ZNF518A: variants seen among roughly 807,000 people sequenced by gnomAD.
ZNF518A encodes zinc finger protein 518.
A neutral mutation model predicts 102.7 loss-of-function variants in ZNF518A; 47 were observed. That is an observed-to-expected ratio of 0.46 (90% CI 0.36 to 0.58). The LOEUF (loss-of-function observed/expected upper bound fraction) is 0.58. ZNF518A is among the 20% of genes least tolerant of loss of function. The pLI, the probability that ZNF518A is intolerant of heterozygous loss-of-function variation, is 0.00. For missense variants in ZNF518A, 1,793 were observed against 1,699.8 expected (o/e 1.05, Z -0.96); for synonymous variants, 652 against 594.6 (o/e 1.10, Z -1.40).
Position 96,201,146 on chromosome 10 carries a change from G to A in ZNF518A, n.36-2428G>A, listed in dbSNP as rs2083622101. On this transcript the variant is annotated intron_variant and non_coding_transcript_variant, in intron 1 of 2. Coordinates refer to the ZNF518A transcript ENST00000442635. ...ATCCCCTAACACTGTACTAGGTGCTGCCAGGGACACATCCACCAAAAAAAA... is the reference window on the plus strand; with the variant it reads ...ATCCCCTAACACTGTACTAGGTGCTACCAGGGACACATCCACCAAAAAAAA... The A allele has an allele frequency of 2.5e-6, 3 of 1,184,916 alleles. No individual in the cohort carries two copies. The East Asian group carries it at 7.1e-5, about 28-fold the overall frequency. The allele number at this position is 1,184,916 out of a possible 1,614,324, so 73.4% of individuals were successfully genotyped here. A position where few individuals can be genotyped will look rare whatever the true frequency, so the allele number is the denominator to read the frequency against.
At position 96,160,364 on chromosome 10, in the gene ZNF518A, G is replaced by C. The variant is rs1369728753; in HGVS notation, c.4042G>C (p.Val1348Leu). ...ATGTCCTAGGAGAAACCAACCAGTT[G>C]TAGTTTTGAATCATCCTGACGCAGA... is the stretch of plus-strand genomic sequence containing the variant. ...VKCPRRNQPV[V>L]VLNHPDADAP... The change falls in exon 6 of 6, where the codon GTA (valine) becomes CTA (leucine). Residue 1348 changes from valine (V) to leucine (L), a missense_variant. Physicochemically the swap from Val to Leu is conservative, Grantham distance 32 (BLOSUM62 1). Around this residue, in one of 3 missense-constraint regions of ZNF518A, gnomAD observed 1,741 missense variants for 1,622.6 expected, o/e 1.07. Transcript: ENST00000316045. 1 of 1,613,526 alleles carries C rather than the reference G, an allele frequency of 6.2e-7. No individual in the cohort carries two copies. Among genetic ancestry groups the C allele is most frequent in the Non-Finnish European group, 8.5e-7 (1 of 1,179,638 alleles).
At chr10:96,199,983 G>A in intron 1 of ZNF518A, 1 of 889,508 alleles carries the variant, frequency 1.1e-6, no homozygotes, top group Non-Finnish European at 1.5e-6. Flanking sequence ...AGCTGAGATC[G>A]AGCCACTGCA....
intron 3 of ZNF518A, among the ~76,000 whole-genome samples, chr10:96,137,728 T>C (rs587661479): frequency 8.5e-5 from 13 of 152,352 alleles, no homozygotes; most frequent in African/African-American, 3.1e-4. Context: ...CTGCTCTTTT[T>C]GTTTATTCCC....
At chr10:96,142,389 T>A (rs1453853537) in intron 3 of ZNF518A, among the ~76,000 whole-genome samples, 1 of 151,692 alleles carries the variant, frequency 6.6e-6, no homozygotes, top group African/African-American at 2.4e-5. Flanking sequence ...CTTATATTTT[T>A]CAGTAAGCTT....
rs782234888 is a variant in ZNF518A at position 96,156,507 on chromosome 10, T to A, written c.185T>A (p.Leu62Gln). The change falls in exon 6 of 6, where the codon CTA (leucine) becomes CAA (glutamine). Residue 62 changes from leucine (L) to glutamine (Q), a missense_variant. Leu to Gln is a moderately radical substitution (Grantham distance 113). Transcript: ENST00000316045. ...AAAATAAATATTCCAAATGAAGTCC[T>A]ATTGAAACATGAAGTTGACAAATAC... ...LPKINIPNEV[L>Q]LKHEVDKYRK... 11 of 1,610,670 alleles carry A rather than the reference T, an allele frequency of 6.8e-6. No homozygotes were observed. Among genetic ancestry groups the A allele is most frequent in the Middle Eastern group, 1.7e-4 (1 of 6,052 alleles).
At chr10:96,204,141 T>C (rs2083733614), downstream of ZNF518A, 2 of 1,596,408 alleles carry the variant, frequency 1.3e-6, no homozygotes, top group African/African-American at 1.3e-5. Context: ...ATGAGTAAGT[T>C]TGACTTTTTG....
intron 1 of ZNF518A, among the ~76,000 whole-genome samples, chr10:96,169,359 T>G (rs2083160783): frequency 6.6e-6 from 1 of 152,228 alleles, no homozygotes; most frequent in African/African-American, 2.4e-5. Flanking sequence ...TGTTCGTTTT[T>G]TGGTTTTCTT....
At position 96,159,861 on chromosome 10, in the gene ZNF518A, TAGG is replaced by T. The variant is rs773693266; in HGVS notation, c.3545_3547del (p.Gly1182del). On this transcript the variant is annotated inframe_deletion, in exon 6 of 6. Transcript: ENST00000316045. ...GACAACGTACCATCTAATCAGATTA[TAGG>T]AGGAGAGCAGAAAGAGCCAGAATCT... 1.2e-6 allele frequency: 2 copies of T among 1,613,546 alleles called. No homozygotes were observed. The highest frequency in any genetic ancestry group is 2.2e-5 in the South Asian group (2 of 91,070).
chr10:96,189,726 A>ATCT, intron 1 of ZNF518A: 1 of 724,436 alleles, frequency 1.4e-6, no homozygotes, highest in Non-Finnish European at 2.5e-6. Flanking sequence ...CATCATCATC[A>ATCT]TCATCATCTT....
downstream of ZNF518A, among the ~76,000 whole-genome samples, chr10:96,166,716 G>A (rs1436246920): frequency 1.2e-4 from 18 of 152,138 alleles, no homozygotes; most frequent in Admixed American, 2.6e-4. Flanking sequence ...GCAGTGAGCC[G>A]AGATCGCACC....
At chr10:96,195,953 A>G (rs1313046222) in intron 1 of ZNF518A, among the ~76,000 whole-genome samples, 1 of 152,234 alleles carries the variant, frequency 6.6e-6, no homozygotes, top group African/African-American at 2.4e-5. Context: ...GAAGCCAGTT[A>G]CTGTGCTCTG....
At chr10:96,195,590 A>G (rs1554894502) in intron 1 of ZNF518A, among the ~76,000 whole-genome samples, 1 of 152,234 alleles carries the variant, frequency 6.6e-6, no homozygotes, top group Non-Finnish European at 1.5e-5. Flanking sequence ...TTCCACTTGT[A>G]TGAGGTATCT....
At chr10:96,195,876 TCTC>T (rs2083452955) in intron 1 of ZNF518A, among the ~76,000 whole-genome samples, 1 of 152,242 alleles carries the variant, frequency 6.6e-6, no homozygotes, top group East Asian at 1.9e-4. Context: ...CAAATGCTAT[TCTC>T]CTGCCTGTAA....
chr10:96,130,171 G>A (rs999571436), upstream of ZNF518A: 3 of 152,832 alleles, frequency 2.0e-5, no homozygotes, highest in African/African-American at 7.2e-5. Flanking sequence ...AGAACTTCTA[G>A]AGGGCCACCC....
intron 1 of ZNF518A, among the ~76,000 whole-genome samples, chr10:96,170,258 C>T (rs1349252773): frequency 6.6e-6 from 1 of 152,200 alleles, no homozygotes; most frequent in Non-Finnish European, 1.5e-5. Context: ...TGTTATCTGT[C>T]ACCCCAGGCA....
chr10:96,158,095 A>G lies in ZNF518A; in HGVS notation c.1773A>G (p.Leu591=). The change falls in exon 6 of 6, where the codon TTA becomes TTG. Residue 591 remains leucine (L), a synonymous_variant. Transcript: ENST00000316045. ...TCACTCAGAGTCACCCCGAGGTATT[A>G]GGTACCACCATTAAAAGTCCAGATA... ...NHLTQSHPEV[L]GTTIKSPDKV... is the part of the protein sequence containing the mutation. 2 of 1,613,624 alleles carry G rather than the reference A, an allele frequency of 1.2e-6. No individual in the cohort carries two copies. Among genetic ancestry groups the G allele is most frequent in the Non-Finnish European group, 1.7e-6 (2 of 1,179,716 alleles).
rs34920263 is a variant in ZNF518A at position 96,191,235 on chromosome 10, CTT to C, written n.36-12321_36-12320del. Among the ~76,000 whole-genome samples the C allele has an allele frequency of 5.6e-3, 726 of 130,248 alleles. 3 individuals carry two copies. The highest frequency in any genetic ancestry group is 0.019 in the African/African-American group (664 of 34,408). 85.4% of individuals were successfully genotyped at this position (130,248 alleles called of 152,430 possible). A position where few individuals can be genotyped will look rare whatever the true frequency, so the allele number is the denominator to read the frequency against. On this transcript the variant is annotated intron_variant and non_coding_transcript_variant, in intron 1 of 2. Coordinates refer to the ZNF518A transcript ENST00000442635. ...GTGGAACTGTGAGTCCATTAAACCT[CTT>C]TTTTTTTTTTTTTTTTTATGTAAAT...
downstream of ZNF518A, among the ~76,000 whole-genome samples, chr10:96,165,475 A>C (rs11188640): frequency 1.6e-4 from 20 of 127,600 alleles, no homozygotes; most frequent in East Asian, 4.6e-4. Flanking sequence ...ACAACCAAAA[A>C]AAAAAAAAAA....
chr10:96,177,111 A>G (rs1034499344), intron 1 of ZNF518A, among the ~76,000 whole-genome samples: 7 of 152,002 alleles, frequency 4.6e-5, no homozygotes, highest in Non-Finnish European at 7.4e-5. Flanking sequence ...CATTTCTGAA[A>G]GCAAGTTATA....
Sources: gnomAD v4.1 joint callset for allele counts (sites outside exome capture counted in the v4.1 genomes callset) on GRCh38, gnomAD v4.1.1 for gene constraint, gnomAD v4.1.1 regional missense constraint, MANE v1.5 for transcripts, NCBI Gene and HGNC (gene_info 2026-07-23, HGNC 2026-07-21) for gene names.